Variants in MGA observed in about 807,000 individuals in gnomAD.
MGA encodes MAX dimerization protein MGA, also known as MAX gene-associated protein.
MGA carries 40 observed loss-of-function variants against 261.1 expected under a neutral mutation model. The ratio of observed to expected loss-of-function variants is 0.15; its 90% confidence interval spans 0.12 to 0.20. The LOEUF (loss-of-function observed/expected upper bound fraction) is 0.20. Among genes scored for constraint, MGA ranks in the 10% least tolerant of loss-of-function variants. The pLI is 1.00. For synonymous variants in MGA, 1,302 were observed against 1,290.6 expected, an observed-to-expected ratio of 1.01 and a Z score of -0.19; for missense variants, 3,397 against 3,630.5, an observed-to-expected ratio of 0.94 and a Z score of 1.65.
At chr15:41,699,747 G>A (rs545819452) in intron 5 of MGA, among the ~76,000 whole-genome samples, 3 of 152,246 alleles carry the variant, frequency 2.0e-5, no homozygotes, top group South Asian at 2.1e-4. Context: ...TGATCCGCCC[G>A]CCTCGGCCTC....
intron 11 of MGA, among the ~76,000 whole-genome samples, 159 bp from the exon 12 acceptor site, chr15:41,734,363 A>G (rs1595905600): frequency 6.6e-6 from 1 of 152,232 alleles, no homozygotes; most frequent in African/African-American, 2.4e-5. Flanking sequence ...AGGGTTTTAT[A>G]TGATAGTAAC....
At chr15:41,720,082 A>G (rs1390420285) in intron 9 of MGA, among the ~76,000 whole-genome samples, 2 of 152,188 alleles carry the variant, frequency 1.3e-5, no homozygotes, top group African/African-American at 4.8e-5. Context: ...AGAACTTATA[A>G]TTTATATGGA....
At chr15:41,673,956 A>T (rs1397694772) in intron 2 of MGA, among the ~76,000 whole-genome samples, 1 of 151,936 alleles carries the variant, frequency 6.6e-6, no homozygotes, top group African/African-American at 2.4e-5. Flanking sequence ...CAGTGGCGCG[A>T]TCTCGACTCA....
chr15:41,699,122 G>C lies in MGA; in HGVS notation c.2151G>C (p.Leu717Phe). The C allele has an allele frequency of 1.2e-6, 2 of 1,612,002 alleles. No homozygotes were observed. The highest frequency in any genetic ancestry group is 1.3e-5 in the African/African-American group (1 of 74,980). Residue 717 changes from leucine (L) to phenylalanine (F), a missense_variant, in exon 5 of 24, where the codon TTG becomes TTC. Coordinates refer to ENST00000219905, the MANE Select transcript of MGA (RefSeq NM_001164273.2). ...AATTGATAGAAGATTTGAAGACTTTGCGGCACAAGCAGGTGATACATCCTG... is the reference window on the plus strand; with the variant it reads ...AATTGATAGAAGATTTGAAGACTTTCCGGCACAAGCAGGTGATACATCCTG...
At chr15:41,660,910 G>A (rs746421176) in intron 1 of MGA, among the ~76,000 whole-genome samples, 6 of 152,224 alleles carry the variant, frequency 3.9e-5, no homozygotes, top group Non-Finnish European at 7.3e-5. Flanking sequence ...CCGGCGCCGG[G>A]CTCTAGGTCG....
chr15:41,724,943 T>A (rs930257105), intron 9 of MGA, among the ~76,000 whole-genome samples: 3 of 152,186 alleles, frequency 2.0e-5, no homozygotes, highest in African/African-American at 7.2e-5. Flanking sequence ...ATATACTACT[T>A]ACGAAAATCA....
At chr15:41,723,691 G>A (rs181081988) in intron 9 of MGA, among the ~76,000 whole-genome samples, 1 of 152,236 alleles carries the variant, frequency 6.6e-6, no homozygotes, top group Admixed American at 6.5e-5. Context: ...GGGATTATAG[G>A]TGTGAGCTAC....
chr15:41,672,866 G>GCACACACACACA lies in MGA; in HGVS notation c.1064+2922_1064+2933dup, dbSNP rs5812197. Among the ~76,000 whole-genome samples the GCACACACACACA allele has an allele frequency of 1.3e-3, 194 of 150,416 alleles. 2 individuals carry two copies. Among genetic ancestry groups the GCACACACACACA allele is most frequent in the Non-Finnish European group, 2.1e-3 (143 of 67,562 alleles). Reference sequence around the variant, plus strand: ...TAAAAAATTATATACACATGCGTGTGCACACACACACACACACACACACAC... The same window carrying GCACACACACACA: ...TAAAAAATTATATACACATGCGTGTGCACACACACACACACACACACACACACACACACACAC... On this transcript the variant is annotated intron_variant, in intron 2 of 23. Transcript: ENST00000219905.
At chr15:41,757,080 G>A (rs2063194587) in intron 18 of MGA, among the ~76,000 whole-genome samples, 1 of 152,132 alleles carries the variant, frequency 6.6e-6, no homozygotes, top group Non-Finnish European at 1.5e-5. Flanking sequence ...GAATGTGATT[G>A]AGTAGACTGC....
intron 1 of MGA, among the ~76,000 whole-genome samples, chr15:41,665,606 G>A (rs141316229): frequency 0.033 from 4,954 of 152,168 alleles, 137 homozygotes; most frequent in South Asian, 0.07. Context: ...GGGCTTAAGC[G>A]ATCCTCCTGC....
At chr15:41,761,209 G>A (rs958449773) in intron 20 of MGA, among the ~76,000 whole-genome samples, 5 of 152,202 alleles carry the variant, frequency 3.3e-5, no homozygotes, top group Admixed American at 1.3e-4. Context: ...ATAAAGCACA[G>A]CATAAGTGAT....
intron 5 of MGA, among the ~76,000 whole-genome samples, chr15:41,705,513 C>G (rs1041348400): frequency 6.6e-6 from 1 of 152,130 alleles, no homozygotes; most frequent in African/African-American, 2.4e-5. Flanking sequence ...AGGCACGTGC[C>G]ATTACACCCA....
At chr15:41,687,561 A>G (rs942915760) in intron 2 of MGA, among the ~76,000 whole-genome samples, 20 of 152,136 alleles carry the variant, frequency 1.3e-4, no homozygotes, top group African/African-American at 4.8e-4. Flanking sequence ...AGACTTTTTC[A>G]TTTGTATGTA....
intron 2 of MGA, among the ~76,000 whole-genome samples, chr15:41,673,697 C>T (rs890247853): frequency 1.3e-5 from 2 of 151,464 alleles, no homozygotes; most frequent in African/African-American, 4.9e-5. Context: ...CATGTGCCAC[C>T]ATGCCTGGCT....
At chr15:41,637,837 C>T (rs1024236936) in intron 1 of MGA, among the ~76,000 whole-genome samples, 3 of 150,728 alleles carry the variant, frequency 2.0e-5, no homozygotes, top group Non-Finnish European at 3.0e-5. Context: ...CTCCGCCTCC[C>T]GGCTTCAAGA....
chr15:41,682,535 C>T lies in MGA; in HGVS notation c.1064+12577C>T, dbSNP rs1247460684. Among the ~76,000 whole-genome samples, 4 of 152,090 alleles carry T rather than the reference C, an allele frequency of 2.6e-5. No homozygotes were observed. In the East Asian group the frequency reaches 7.7e-4, roughly 29 times the overall value. ...TCGCTCTGTCACCCAGGCTGGAGTG[C>T]AGTGGTGTGATCTTGGCTCACTGCA... is the stretch of plus-strand genomic sequence containing the variant. On this transcript the variant is annotated intron_variant, in intron 2 of 23. Coordinates refer to ENST00000219905, the MANE Select transcript of MGA (RefSeq NM_001164273.2).
intron 19 of MGA, chr15:41,760,062 C>G (rs1285737783): frequency 2.4e-6 from 1 of 419,208 alleles, no homozygotes; most frequent in African/African-American, 2.0e-5. Flanking sequence ...TATACAATTT[C>G]TTCCTCATTT....
intron 15 of MGA, among the ~76,000 whole-genome samples, chr15:41,747,041 A>C (rs2062540267): frequency 6.6e-6 from 1 of 151,764 alleles, no homozygotes; most frequent in Admixed American, 6.6e-5. Flanking sequence ...TATGTCTTCC[A>C]ATCAGGAAAG....
At chr15:41,624,146 C>T (rs944247728) in intron 1 of MGA, among the ~76,000 whole-genome samples, 11 of 151,788 alleles carry the variant, frequency 7.2e-5, no homozygotes, top group African/African-American at 2.2e-4. Context: ...CTTACTGCAA[C>T]CTCTGCTTCT....
Sources: allele counts gnomAD v4.1 joint callset (sites outside exome capture counted in the v4.1 genomes callset), GRCh38; gene constraint gnomAD v4.1.1; transcripts MANE v1.5; gene names NCBI Gene and HGNC (gene_info 2026-07-23, HGNC 2026-07-21).